The following ZMIZ1 variants were observed in gnomAD, a reference collection of about 807,000 sequenced individuals.
ZMIZ1 encodes the protein zinc finger MIZ-type containing 1.
A neutral mutation model predicts 113.9 loss-of-function variants in ZMIZ1; 17 were observed. The observed-to-expected ratio is 0.15, with a 90% CI of 0.10 to 0.22. ZMIZ1 has a LOEUF of 0.22. ZMIZ1 is among the 10% of genes least tolerant of loss of function. The pLI is 1.00. For synonymous variants in ZMIZ1, 607 were observed against 603.1 expected, an observed-to-expected ratio of 1.01 and a Z score of -0.09; for missense variants, 1,059 against 1,477.8, an observed-to-expected ratio of 0.72 and a Z score of 4.65.
chr10:79,117,843 G>A (rs1844122078), intron 1 of ZMIZ1, among the ~76,000 whole-genome samples: 1 of 152,172 alleles, frequency 6.6e-6, no homozygotes, highest in African/African-American at 2.4e-5. Flanking sequence ...TGAGCCTCAG[G>A]CCCCCAGGTC....
intron 4 of ZMIZ1, among the ~76,000 whole-genome samples, chr10:79,184,292 C>T (rs1230726294): frequency 6.6e-6 from 1 of 152,218 alleles, no homozygotes; most frequent in Non-Finnish European, 1.5e-5. Context: ...CCTTCCACCC[C>T]TCTCCCGATG....
At chr10:79,202,195 A>G (rs1362536881) in intron 5 of ZMIZ1, among the ~76,000 whole-genome samples, 8 of 112,452 alleles carry the variant, frequency 7.1e-5, no homozygotes, top group South Asian at 3.0e-4. Context: ...CTCAGAAAAA[A>G]AAAAAAAAAA....
chr10:79,216,756 G>A (rs1175185654), intron 7 of ZMIZ1, among the ~76,000 whole-genome samples: 4 of 152,104 alleles, frequency 2.6e-5, no homozygotes, highest in South Asian at 2.1e-4. Flanking sequence ...ACTCCACTAC[G>A]TTCATTCATT....
intron 8 of ZMIZ1, among the ~76,000 whole-genome samples, chr10:79,287,663 T>A (rs1328863810): frequency 6.6e-6 from 1 of 152,234 alleles, no homozygotes; most frequent in Non-Finnish European, 1.5e-5. Context: ...CTTTATTGTG[T>A]GCTCACACTC....
chr10:79,140,562 T>C (rs991386418), intron 3 of ZMIZ1, among the ~76,000 whole-genome samples: 3 of 152,150 alleles, frequency 2.0e-5, no homozygotes, highest in Non-Finnish European at 4.4e-5. Flanking sequence ...CCATCCATCA[T>C]CCATCCACTT....
rs752375175 is a variant in ZMIZ1, at chr10:79,201,646, A to T, written c.14A>T (p.Asp5Val). Residue 5 changes from aspartate (D) to valine (V), a missense_variant, in exon 5 of 25, where the codon GAC becomes GTC. Physicochemically the swap from Asp to Val is radical, Grantham distance 152. Transcript: ENST00000334512. ...GAAACGGCCAGAATGAATTCTATGG[A>T]CAGGCACATCCAGCAGACCAATGAC... MNSM[D>V]RHIQQTNDRL... is the part of the protein sequence containing the mutation. The T allele has an allele frequency of 6.2e-7, 1 of 1,613,734 alleles. No homozygotes were observed. Among genetic ancestry groups the T allele is most frequent in the Non-Finnish European group, 8.5e-7 (1 of 1,179,894 alleles).
chr10:79,302,388 G>A (rs1341257866), intron 18 of ZMIZ1, among the ~76,000 whole-genome samples, 176 bp downstream of exon 18: 5 of 152,232 alleles, frequency 3.3e-5, no homozygotes, highest in African/African-American at 1.2e-4. Flanking sequence ...TCCTGGGGCT[G>A]TTGTCGTGGT....
chr10:79,177,224 G>A (rs1341022709), intron 4 of ZMIZ1, among the ~76,000 whole-genome samples: 1 of 152,048 alleles, frequency 6.6e-6, no homozygotes, highest in East Asian at 1.9e-4. Flanking sequence ...AGGAAGCCCT[G>A]CTCCCCACAG....
intron 4 of ZMIZ1, among the ~76,000 whole-genome samples, chr10:79,188,629 C>G (rs1347965400): frequency 6.6e-6 from 1 of 151,444 alleles, no homozygotes; most frequent in Non-Finnish European, 1.5e-5. Context: ...CCCCCACCCC[C>G]CTAGTATCCC....
chr10:79,153,666 C>T (rs1038855109), intron 3 of ZMIZ1, among the ~76,000 whole-genome samples: 7 of 152,272 alleles, frequency 4.6e-5, no homozygotes, highest in Admixed American at 3.9e-4. Context: ...TTGTCACCCA[C>T]TAAACCTTCT....
chr10:79,175,374 G>C (rs1846783819), intron 4 of ZMIZ1, among the ~76,000 whole-genome samples: 1 of 152,166 alleles, frequency 6.6e-6, no homozygotes, highest in African/African-American at 2.4e-5. Context: ...TCGTGATCAT[G>C]CCTGTATTTC....
At chr10:79,231,436 G>A (rs1415817421) in intron 7 of ZMIZ1, among the ~76,000 whole-genome samples, 1 of 152,146 alleles carries the variant, frequency 6.6e-6, no homozygotes, top group East Asian at 1.9e-4. Context: ...TAGAGATGGG[G>A]TTTCACTGTG....
At chr10:79,145,155 T>G (rs557661722) in intron 3 of ZMIZ1, among the ~76,000 whole-genome samples, 2 of 152,118 alleles carry the variant, frequency 1.3e-5, no homozygotes, top group Middle Eastern at 3.4e-3. Context: ...TTTCTGTATC[T>G]TCCTTTCTTC....
At chr10:79,224,993 TGA>T (rs1158596844) in intron 7 of ZMIZ1, among the ~76,000 whole-genome samples, 6 of 152,318 alleles carry the variant, frequency 3.9e-5, no homozygotes, top group African/African-American at 1.4e-4. Context: ...CTTACCCACC[TGA>T]GAGGCGAGGA....
chr10:79,242,011 A>C (rs1037572443), intron 7 of ZMIZ1, among the ~76,000 whole-genome samples: 2 of 152,124 alleles, frequency 1.3e-5, no homozygotes, highest in African/African-American at 4.8e-5. Context: ...CACACAAGCA[A>C]CTTTCACAGG....
chr10:79,218,584 G>GT (rs1848831556), intron 7 of ZMIZ1, among the ~76,000 whole-genome samples: 2 of 147,792 alleles, frequency 1.4e-5, no homozygotes, highest in African/African-American at 2.6e-5. Context: ...TAATTAGAGG[G>GT]GTGTGTGTGT....
chr10:79,137,314 A>G (rs1438164635), intron 2 of ZMIZ1, among the ~76,000 whole-genome samples: 1 of 152,226 alleles, frequency 6.6e-6, no homozygotes. Context: ...TTCACACCCC[A>G]GATGGAGGGA....
At chr10:79,159,987 G>C (rs1380443457) in intron 3 of ZMIZ1, among the ~76,000 whole-genome samples, 2 of 152,244 alleles carry the variant, frequency 1.3e-5, no homozygotes, top group Admixed American at 6.5e-5. Context: ...ACTGGGGAGC[G>C]AGGGCTTTTC....
chr10:79,109,836 G>T (rs530019749), intron 1 of ZMIZ1, among the ~76,000 whole-genome samples: 13 of 152,350 alleles, frequency 8.5e-5, no homozygotes, highest in Admixed American at 2.0e-4. Context: ...TGGGGTTATT[G>T]TGAGGACAAA....
Sources: allele counts gnomAD v4.1 joint callset (sites outside exome capture counted in the v4.1 genomes callset), GRCh38; gene constraint gnomAD v4.1.1; transcripts MANE v1.5; gene names NCBI Gene and HGNC (gene_info 2026-07-23, HGNC 2026-07-21).